Variants in SLC26A3 observed in about 807,000 individuals in gnomAD.
The protein encoded by SLC26A3 is chloride anion exchanger.
A neutral mutation model predicts 85.6 loss-of-function variants in SLC26A3; 64 were observed. That is an observed-to-expected ratio of 0.75 (90% CI 0.61 to 0.92). The LOEUF (loss-of-function observed/expected upper bound fraction) is 0.92. SLC26A3 is among the 40% of genes least tolerant of loss of function. SLC26A3 has a pLI of 0.00. For missense variants in SLC26A3, 922 were observed against 927.3 expected (o/e 0.99, Z 0.07); for synonymous variants, 349 against 336.0 (o/e 1.04, Z -0.42).
chr7:107,793,342 A>C (rs1467087059), intron 3 of SLC26A3, among the ~76,000 whole-genome samples: 1 of 152,246 alleles, frequency 6.6e-6, no homozygotes, highest in African/African-American at 2.4e-5. Context: ...AAACAACTCA[A>C]ATGTTCATCA....
At chr7:107,801,193 C>T (rs1054036436) in intron 1 of SLC26A3, among the ~76,000 whole-genome samples, 1 of 152,040 alleles carries the variant, frequency 6.6e-6, no homozygotes, top group East Asian at 1.9e-4. Flanking sequence ...AGATAAATGA[C>T]TTTCTCAACT....
Position 107,773,983 on chromosome 7 carries a change from G to T in SLC26A3, c.1944C>A (p.Ser648Arg). ...NIEVPKISLH[S>R]LILDFSAVSF... is the part of the protein sequence containing the mutation. ...ACACTGCTGAAAAGTCAAGAATGAG[G>T]CTGTGGAGGCTGATTTTGGGGACCT... Residue 648 changes from serine (S) to arginine (R), a missense_variant, in exon 17 of 21, where the codon AGC becomes AGA. Physicochemically the swap from Ser to Arg is moderately radical, Grantham distance 110. Coordinates refer to ENST00000340010, the MANE Select transcript of SLC26A3 (RefSeq NM_000111.3). The T allele has an allele frequency of 6.2e-7, 1 of 1,614,132 alleles. No homozygotes were observed. Among genetic ancestry groups the T allele is most frequent in the Non-Finnish European group, 8.5e-7 (1 of 1,179,986 alleles).
At chr7:107,786,770 A>G in intron 8 of SLC26A3, 57 bp downstream of exon 8, 1 of 1,401,346 alleles carries the variant, frequency 7.1e-7, no homozygotes, top group Non-Finnish European at 1.0e-6. Context: ...CTCTCCTGTC[A>G]CTACTGCTAA....
chr7:107,801,092 A>G (rs1163926663), intron 1 of SLC26A3, among the ~76,000 whole-genome samples: 1 of 152,194 alleles, frequency 6.6e-6, no homozygotes, highest in Non-Finnish European at 1.5e-5. Context: ...GAGCACTTTC[A>G]CTTTTCTTCC....
chr7:107,783,020 G>A lies in SLC26A3; in HGVS notation c.1193C>T (p.Ser398Phe), dbSNP rs143839547. Residue 398 changes from serine to phenylalanine, a missense_variant, in exon 10 of 21, where the codon TCC (serine) becomes TTC (phenylalanine). Ser to Phe is a radical substitution (Grantham distance 155, BLOSUM62 -2). Transcript: ENST00000340010. ...FRGFAGSTAL[S>F]RSAVQESTGG... ...TGTGCTCTCCTGAACTGCTGATCTGGAGAGGGCAGTACTCCCAGCAAATCC... is the reference window on the plus strand; with the variant it reads ...TGTGCTCTCCTGAACTGCTGATCTGAAGAGGGCAGTACTCCCAGCAAATCC... 143 of 1,614,174 alleles carry A rather than the reference G, an allele frequency of 8.9e-5. No homozygotes were observed. The highest frequency in any genetic ancestry group is 1.2e-4 in the Non-Finnish European group (137 of 1,180,020).
At position 107,774,877 on chromosome 7, in the gene SLC26A3, G is replaced by A. The variant is rs1239923393; in HGVS notation, c.1678-5C>T. 3.7e-5 allele frequency: 60 copies of A among 1,611,152 alleles called. No individual in the cohort carries two copies. In the Admixed American group the frequency reaches 9.3e-4, roughly 25 times the overall value. ...TCGAAGTGGACTAAAGCCAACCTGA[G>A]AAACCCATTGCTGTGTTACAAGAGT... On this transcript the variant is annotated splice_polypyrimidine_tract_variant and splice_region_variant and intron_variant, in intron 15 of 20. Coordinates refer to ENST00000340010, the MANE Select transcript of SLC26A3 (RefSeq NM_000111.3).
At position 107,772,027 on chromosome 7, in the gene SLC26A3, A is replaced by G. The variant is rs1584401533; in HGVS notation, c.2062+27T>C. The G allele has an allele frequency of 1.9e-6, 3 of 1,555,328 alleles. No individual in the cohort carries two copies. The East Asian group carries it at 6.7e-5, about 35-fold the overall frequency. ...CAGTGAGCCTGAAGTGATTGTCAGA[A>G]CATAAAACAAAAATAAAGCCACTTA... On this transcript the variant is annotated intron_variant, in intron 18 of 20. Coordinates refer to ENST00000340010, the MANE Select transcript of SLC26A3 (RefSeq NM_000111.3).
intron 12 of SLC26A3, 95 bp from the exon 13 acceptor site, chr7:107,778,376 T>TTTTG: frequency 1.2e-6 from 1 of 835,422 alleles, no homozygotes; most frequent in Non-Finnish European, 1.9e-6. Flanking sequence ...TTTTTTTTTT[T>TTTTG]TGTAGCGACA....
intron 1 of SLC26A3, among the ~76,000 whole-genome samples, chr7:107,798,398 CT>C (rs1005209067): frequency 6.6e-6 from 1 of 152,154 alleles, no homozygotes; most frequent in Non-Finnish European, 1.5e-5. Context: ...CATTTCCAAC[CT>C]GCAGACTGGC....
chr7:107,774,754 A>G, intron 16 of SLC26A3, 23 bp downstream of exon 16: 3 of 1,560,376 alleles, frequency 1.9e-6, no homozygotes, highest in Non-Finnish European at 2.7e-6. Flanking sequence ...TATAATGCAT[A>G]GAAATGTGGT....
chr7:107,770,801 A>G (rs767990468), intron 18 of SLC26A3, among the ~76,000 whole-genome samples: 16 of 152,200 alleles, frequency 1.1e-4, no homozygotes, highest in Non-Finnish European at 1.5e-4. Context: ...GTAAGCAGGA[A>G]CAATACCTGC....
rs201761819 is a variant in SLC26A3, at chr7:107,770,120, TTCTC to T, written c.2062+1930_2062+1933del. On this transcript the variant is annotated intron_variant, in intron 18 of 20. Coordinates refer to ENST00000340010, the MANE Select transcript of SLC26A3 (RefSeq NM_000111.3). ...TTATTTCGTCTTTCTTCTTTCTTCT[TTCTC>T]TTTCTTTCTTTCTCTCTTTCTTTTC... is the stretch of plus-strand genomic sequence containing the variant. Among the ~76,000 whole-genome samples, 245 of 142,494 alleles carry T rather than the reference TTCTC, an allele frequency of 1.7e-3. 1 individual carries two copies. Among genetic ancestry groups the T allele is most frequent in the Non-Finnish European group, 2.9e-3 (189 of 64,156 alleles). 93.5% of individuals were successfully genotyped at this position (142,494 alleles called of 152,430 possible).
At chr7:107,774,538 A>G (rs1259524487) in intron 16 of SLC26A3, among the ~76,000 whole-genome samples, 2 of 152,228 alleles carry the variant, frequency 1.3e-5, no homozygotes, top group African/African-American at 4.8e-5. Context: ...TAGGCCACAG[A>G]GCAAGACACT....
chr7:107,776,333 A>G (rs1412832386), intron 15 of SLC26A3, 119 bp downstream of exon 15: 1 of 850,428 alleles, frequency 1.2e-6, no homozygotes, highest in Non-Finnish European at 2.0e-6. Flanking sequence ...AAATACTGAC[A>G]CAACCCCACC....
intron 3 of SLC26A3, among the ~76,000 whole-genome samples, chr7:107,793,315 T>C (rs1794435055): frequency 6.6e-6 from 1 of 152,146 alleles, no homozygotes; most frequent in East Asian, 1.9e-4. Context: ...TCATAACTCA[T>C]AATAGCCCCC....
chr7:107,767,687 T>C (rs1310290148), intron 19 of SLC26A3, 43 bp from the exon 20 acceptor site: 5 of 1,607,694 alleles, frequency 3.1e-6, no homozygotes, highest in Non-Finnish European at 4.3e-6. Flanking sequence ...GGCTGATTTT[T>C]TTTAATGTTG....
At chr7:107,790,502 A>C (rs1413958917) in intron 5 of SLC26A3, among the ~76,000 whole-genome samples, 4 of 152,208 alleles carry the variant, frequency 2.6e-5, no homozygotes, top group African/African-American at 9.7e-5. Context: ...ACATCTCAAA[A>C]AGTCCATGAC....
intron 17 of SLC26A3, among the ~76,000 whole-genome samples, chr7:107,772,668 C>A (rs1794045705): frequency 6.6e-6 from 1 of 152,112 alleles, no homozygotes; most frequent in African/African-American, 2.4e-5. Context: ...TCATTGCCAT[C>A]ATCAGTAAAC....
chr7:107,797,750 T>TTTTTTTTTTTTTTTTTTTA (rs1794534806), intron 1 of SLC26A3, among the ~76,000 whole-genome samples: 2 of 150,254 alleles, frequency 1.3e-5, no homozygotes, highest in African/African-American at 4.9e-5. Flanking sequence ...CTTTTTTTTT[T>TTTTTTTTTTTTTTTTTTTA]GAGACGGAGT....
Sources: allele counts gnomAD v4.1 joint callset (sites outside exome capture counted in the v4.1 genomes callset), GRCh38; gene constraint gnomAD v4.1.1; transcripts MANE v1.5; gene names NCBI Gene and HGNC (gene_info 2026-07-23, HGNC 2026-07-21).